Variants in HHATL observed in about 807,000 individuals in gnomAD.
HHATL encodes the protein hedgehog acyltransferase like, also known as protein-cysteine N-palmitoyltransferase HHAT-like protein.
HHATL carries 49 observed loss-of-function variants against 59.7 expected under a neutral mutation model. The ratio of observed to expected loss-of-function variants is 0.82; its 90% confidence interval spans 0.65 to 1.04. The LOEUF is 1.04. HHATL is among the 50% of genes least tolerant of loss of function. HHATL has a pLI of 0.00. For missense variants in HHATL, 605 were observed against 650.8 expected (o/e 0.93, Z 0.77); for synonymous variants, 238 against 257.3 (o/e 0.93, Z 0.72).
chr3:42,700,861 G>T, intron 1 of HHATL, 22 bp from the exon 2 acceptor site: 2 of 1,523,236 alleles, frequency 1.3e-6, no homozygotes, highest in South Asian at 1.1e-5. Context: ...GGTTGGGTGA[G>T]GGAATTACAG....
At chr3:42,694,372 A>G (rs1697507672) in intron 9 of HHATL, among the ~76,000 whole-genome samples, 1 of 152,194 alleles carries the variant, frequency 6.6e-6, no homozygotes, top group South Asian at 2.1e-4. Context: ...ACCCTAGTCA[A>G]GATGATCACT....
intron 9 of HHATL, among the ~76,000 whole-genome samples, chr3:42,695,894 C>CTCTGT (rs1697590527): frequency 6.6e-6 from 1 of 152,184 alleles, no homozygotes; most frequent in Admixed American, 6.5e-5. Context: ...TCCCCAGCTT[C>CTCTGT]TCTGTTGAAT....
At position 42,693,258 on chromosome 3, in the gene HHATL, C is replaced by A. The variant is rs74853274; in HGVS notation, c.1249-40G>T. On this transcript the variant is annotated intron_variant, in intron 10 of 11. Coordinates refer to ENST00000441594, the MANE Select transcript of HHATL (RefSeq NM_020707.4). ...AAAGCATGGGCAGCGGGACAAGAGG[C>A]CAAAGGAAAGAGGACATGGTGGGTC... is the stretch of plus-strand genomic sequence containing the variant. 13,465 of 1,608,278 alleles carry A rather than the reference C, an allele frequency of 8.4e-3. 572 individuals are homozygous for A. In the East Asian group the frequency reaches 0.13, roughly 16 times the overall value.
Position 42,693,640 on chromosome 3 carries a change from A to ACTCTGCC in HHATL, c.1218_1224dup (p.Trp409GlyfsTer10). 1 of 1,613,784 alleles carries ACTCTGCC rather than the reference A, an allele frequency of 6.2e-7. No homozygotes were observed. The highest frequency in any genetic ancestry group is 8.5e-7 in the Non-Finnish European group (1 of 1,179,944). ...ACCTCAATTCGTGCTAGGGGCCCCC[A>ACTCTGCC]CTCTGCCAGTTTTTGCATCCAGAGC... On this transcript the variant is annotated frameshift_variant, in exon 10 of 12. Coordinates refer to ENST00000441594, the MANE Select transcript of HHATL (RefSeq NM_020707.4). LOFTEE classifies it high-confidence loss of function.
At chr3:42,697,751 C>G in intron 6 of HHATL, 72 bp from the exon 7 acceptor site, 1 of 1,490,392 alleles carries the variant, frequency 6.7e-7, no homozygotes, top group Non-Finnish European at 9.2e-7. Flanking sequence ...GGGGGCTCAC[C>G]AACTACTTGG....
chr3:42,694,588 A>C (rs1349373479), intron 9 of HHATL, among the ~76,000 whole-genome samples: 1 of 152,212 alleles, frequency 6.6e-6, no homozygotes, highest in African/African-American at 2.4e-5. Flanking sequence ...GAAGATCCCA[A>C]GTGGTCTGGT....
Position 42,692,704 on chromosome 3 carries a change from T to C in HHATL, c.*47A>G, listed in dbSNP as rs1274435626. ...TTTATTCTATCGGTCAGGCCCCATC[T>C]GGCCCAAGAATAGCTGAGCAGAGCC... On this transcript the variant is annotated 3_prime_UTR_variant, in exon 12 of 12. Coordinates refer to ENST00000441594, the MANE Select transcript of HHATL (RefSeq NM_020707.4). 6.2e-7 allele frequency: 1 copy of C among 1,613,896 alleles called. No homozygotes were observed. Among genetic ancestry groups the C allele is most frequent in the Admixed American group, 1.7e-5 (1 of 59,996 alleles).
chr3:42,699,031 C>T lies in HHATL; in HGVS notation c.288+1G>A, dbSNP rs767475391. The stretch of plus-strand genomic sequence containing the variant: ...GGCTGGGTGGCCCAGGTCCAGCTCA[C>T]CTTTGGGGCAACCATCGTGCAGAGT... On this transcript the variant is annotated splice_donor_variant, in intron 4 of 11. Transcript: ENST00000441594. LOFTEE classifies it high-confidence loss of function. The T allele has an allele frequency of 6.2e-7, 1 of 1,613,852 alleles. No individual in the cohort carries two copies. Among genetic ancestry groups the T allele is most frequent in the African/African-American group, 1.3e-5 (1 of 74,918 alleles).
rs972907024 is a variant in HHATL at position 42,697,036 on chromosome 3, G to A, written c.975C>T (p.Pro325=). 6.3e-7 allele frequency: 1 copy of A among 1,599,356 alleles called. No homozygotes were observed. The highest frequency in any genetic ancestry group is 8.5e-7 in the Non-Finnish European group (1 of 1,171,364). The change falls in exon 8 of 12, where the codon CCC becomes CCT. Residue 325 remains proline (P), a synonymous_variant. Coordinates refer to ENST00000441594, the MANE Select transcript of HHATL (RefSeq NM_020707.4). The part of the protein sequence containing the change: ...CLDHLDPPQP[P]KCITALYVFA... ...AGACGTAGAGTGCGGTGATGCACTT[G>A]GGAGGCTGGGGTGGGTCCAGGTGGT...
rs1224112366 is a variant in HHATL at position 42,698,173 on chromosome 3, G to A, written c.662C>T (p.Pro221Leu). The A allele has an allele frequency of 6.2e-7, 1 of 1,614,184 alleles. No individual in the cohort carries two copies. The highest frequency in any genetic ancestry group is 1.7e-5 in the Admixed American group (1 of 60,018). Residue 221 changes from proline (P) to leucine (L), a missense_variant, in exon 6 of 12, where the codon CCC becomes CTC. Pro to Leu is a moderately conservative substitution (Grantham distance 98). Transcript: ENST00000441594. ...ATGGAAGCGATCAAAGGTCATGATG[G>A]GCCCGAAGAAGAAGAAGGGCAGGTA... The part of the protein sequence containing the change: ...NFYLPFFFFG[P>L]IMTFDRFHAQ...
Position 42,693,148 on chromosome 3 carries a change from A to G in HHATL, c.1319T>C (p.Ile440Thr). Residue 440 changes from isoleucine to threonine, a missense_variant, in exon 11 of 12, where the codon ATC (isoleucine) becomes ACC (threonine). Ile to Thr is a moderately conservative substitution (Grantham distance 89, BLOSUM62 -1). Transcript: ENST00000441594. ...GTTCAGGCTCACAAGGTTGTACATGATGATGGCCCAGAAGTTCATGGCTCC... is the reference window on the plus strand; with the variant it reads ...GTTCAGGCTCACAAGGTTGTACATGGTGATGGCCCAGAAGTTCATGGCTCC... Reference protein sequence around the residue: ...LFGAMNFWAIIMYNLVSLNSL... With the variant: ...LFGAMNFWAITMYNLVSLNSL... 6.2e-7 allele frequency: 1 copy of G among 1,614,208 alleles called. No homozygotes were observed. The highest frequency in any genetic ancestry group is 8.5e-7 in the Non-Finnish European group (1 of 1,180,040).
chr3:42,699,899 G>T, intron 2 of HHATL, 74 bp from the exon 3 acceptor site: 1 of 1,291,900 alleles, frequency 7.7e-7, no homozygotes, highest in Non-Finnish European at 1.1e-6. Context: ...GGACAAGGCT[G>T]CCCCACCCTG....
rs756208931 is a variant in HHATL at position 42,700,833 on chromosome 3, G to A, written c.-7C>T. 4.4e-6 allele frequency: 7 copies of A among 1,608,228 alleles called. No individual in the cohort carries two copies. Among genetic ancestry groups the A allele is most frequent in the African/African-American group, 2.7e-5 (2 of 74,788 alleles). ...ATGCTGTCTTGATGCCCATAGCCTGGACAGGGCTGGGGAGACAGGTTGGGT... is the reference window on the plus strand; with the variant it reads ...ATGCTGTCTTGATGCCCATAGCCTGAACAGGGCTGGGGAGACAGGTTGGGT... On this transcript the variant is annotated 5_prime_UTR_variant, in exon 2 of 12. Coordinates refer to ENST00000441594, the MANE Select transcript of HHATL (RefSeq NM_020707.4).
chr3:42,698,685 T>C (rs1403392698), intron 5 of HHATL, 23 bp downstream of exon 5: 1 of 1,535,310 alleles, frequency 6.5e-7, no homozygotes, highest in East Asian at 2.3e-5. Context: ...CCCTACACCC[T>C]CTACCCCTGC....
At chr3:42,700,671 C>T in intron 2 of HHATL, 50 bp downstream of exon 2, 1 of 1,334,394 alleles carries the variant, frequency 7.5e-7, no homozygotes, top group Non-Finnish European at 1.1e-6. Flanking sequence ...ACCCTGAGGC[C>T]TCCAGGGGAA....
At chr3:42,700,195 GGT>G (rs1287907116) in intron 2 of HHATL, among the ~76,000 whole-genome samples, 6 of 101,164 alleles carry the variant, frequency 5.9e-5, no homozygotes, top group African/African-American at 2.3e-4. Context: ...TGTGTGTTGG[GGT>G]GTGTGTGTAT....
At chr3:42,697,225 T>C (rs2125853154) in intron 7 of HHATL, 80 bp from the exon 8 acceptor site, 2 of 1,474,402 alleles carry the variant, frequency 1.4e-6, no homozygotes, top group Non-Finnish European at 1.8e-6. Context: ...CACCACTTCC[T>C]TGGGGAGACA....
intron 1 of HHATL, 156 bp from the exon 2 acceptor site, chr3:42,700,995 C>G: frequency 1.7e-6 from 1 of 601,740 alleles, no homozygotes; most frequent in Non-Finnish European, 3.0e-6. Flanking sequence ...CCCTGTGCCC[C>G]CCACAGTTCA....
At position 42,701,125 on chromosome 3, in the gene HHATL, T is replaced by G; in HGVS notation, c.-13-286A>C. ...TGCCTCCCTCACCTTCATTTACATC[T>G]TCATACCTTCCAGAGGCACCGGCCC... On this transcript the variant is annotated intron_variant, in intron 1 of 11. Coordinates refer to ENST00000441594, the MANE Select transcript of HHATL (RefSeq NM_020707.4). This position sits in a 1 kb window ranked among gnomAD's most constrained non-coding sequence, Gnocchi z 5.1. 5.1e-6 allele frequency: 2 copies of G among 395,030 alleles called. No homozygotes were observed. Among genetic ancestry groups the G allele is most frequent in the Non-Finnish European group, 9.3e-6 (2 of 214,392 alleles). 24.5% of individuals were successfully genotyped at this position (395,030 alleles called of 1,614,324 possible). A position where few individuals can be genotyped will look rare whatever the true frequency, so the allele number is the denominator to read the frequency against.
Sources: allele counts gnomAD v4.1 joint callset (sites outside exome capture counted in the v4.1 genomes callset), GRCh38; gene constraint gnomAD v4.1.1; non-coding constraint Gnocchi (gnomAD v3.1); transcripts MANE v1.5; gene names NCBI Gene and HGNC (gene_info 2026-07-23, HGNC 2026-07-21).